Variants in SMG6 observed in about 807,000 individuals in gnomAD.
SMG6 encodes the protein telomerase-binding protein EST1A.
A neutral mutation model predicts 142.2 loss-of-function variants in SMG6; 66 were observed. The ratio of observed to expected loss-of-function variants is 0.46; its 90% confidence interval spans 0.38 to 0.57. The LOEUF is 0.57. Ranked by LOEUF, SMG6 falls within the 20% of genes least tolerant of loss-of-function variation. SMG6 has a pLI of 0.00. For synonymous variants in SMG6, 779 were observed against 702.4 expected, an observed-to-expected ratio of 1.11 and a Z score of -1.72; for missense variants, 1,793 against 1,832.0, an observed-to-expected ratio of 0.98 and a Z score of 0.39.
chr17:2,119,747 C>T (rs1274935998), intron 13 of SMG6, among the ~76,000 whole-genome samples: 9 of 151,964 alleles, frequency 5.9e-5, no homozygotes, highest in Admixed American at 3.9e-4. Context: ...CTGCAAGCTC[C>T]GCCTCCCGGG....
chr17:2,276,041 C>T (rs1479304175), intron 8 of SMG6, among the ~76,000 whole-genome samples: 1 of 152,204 alleles, frequency 6.6e-6, no homozygotes. Context: ...TAAATTTAAG[C>T]AGTCTGTATT....
At chr17:2,066,015 C>CT in intron 16 of SMG6, 1 of 346,356 alleles carries the variant, frequency 2.9e-6, no homozygotes, top group Non-Finnish European at 5.5e-6. Context: ...GAAAGGGTCC[C>CT]TCAGGAGAGT....
At chr17:2,164,573 A>C (rs2151632908) in intron 13 of SMG6, among the ~76,000 whole-genome samples, 1 of 152,210 alleles carries the variant, frequency 6.6e-6, no homozygotes, top group Admixed American at 6.5e-5. Flanking sequence ...GCGCCACTGC[A>C]CTCCAGCCTG....
chr17:2,254,671 C>T (rs139389458), intron 8 of SMG6, among the ~76,000 whole-genome samples: 5 of 152,178 alleles, frequency 3.3e-5, no homozygotes, highest in Admixed American at 1.3e-4. Context: ...GTTGACACAG[C>T]GTAAGAGGGA....
intron 13 of SMG6, among the ~76,000 whole-genome samples, chr17:2,110,446 T>C (rs984505048): frequency 6.6e-6 from 1 of 152,166 alleles, no homozygotes; most frequent in Non-Finnish European, 1.5e-5. Flanking sequence ...TAGATACATT[T>C]ATGTAAGTGG....
At chr17:2,193,259 G>A (rs2072221553) in intron 10 of SMG6, among the ~76,000 whole-genome samples, 1 of 152,118 alleles carries the variant, frequency 6.6e-6, no homozygotes, top group Non-Finnish European at 1.5e-5. Context: ...TCCTGCTTTC[G>A]CCATGTAAAG....
chr17:2,087,348 G>C (rs1005003723), intron 13 of SMG6: 2 of 1,207,274 alleles, frequency 1.7e-6, no homozygotes, highest in African/African-American at 3.2e-5. Context: ...GGCTGCCCAG[G>C]AAAGTGCGGC....
chr17:2,255,213 G>A (rs1057119549), intron 8 of SMG6, among the ~76,000 whole-genome samples: 2 of 151,396 alleles, frequency 1.3e-5, no homozygotes, highest in African/African-American at 4.9e-5. Context: ...GACCATCCTG[G>A]CTAACACGGT....
At chr17:2,157,097 G>C (rs1050094011) in intron 13 of SMG6, among the ~76,000 whole-genome samples, 1 of 152,170 alleles carries the variant, frequency 6.6e-6, no homozygotes, top group East Asian at 1.9e-4. Context: ...CCCAAAGTCC[G>C]TATGTGGGCT....
At chr17:2,252,092 C>G (rs1223406516) in intron 8 of SMG6, among the ~76,000 whole-genome samples, 1 of 149,622 alleles carries the variant, frequency 6.7e-6, no homozygotes, top group Non-Finnish European at 1.5e-5. Flanking sequence ...AAGAGCGAAA[C>G]TCCATCTCAG....
intron 13 of SMG6, among the ~76,000 whole-genome samples, chr17:2,139,057 C>A (rs560962410): frequency 6.6e-6 from 1 of 152,250 alleles, no homozygotes; most frequent in East Asian, 1.9e-4. Flanking sequence ...GCAGAACAAG[C>A]CAGCTCCTCT....
In SMG6 at chr17:2,303,680, T is replaced by C; in HGVS notation, c.41A>G (p.Glu14Gly). 1 of 1,495,738 alleles carries C rather than the reference T, an allele frequency of 6.7e-7. No individual in the cohort carries two copies. Among genetic ancestry groups the C allele is most frequent in the Non-Finnish European group, 8.9e-7 (1 of 1,129,164 alleles). 92.7% of individuals were successfully genotyped at this position (1,495,738 alleles called of 1,614,324 possible). ...GLERVRISAS[E>G]LRGILATLAP... ...CAGAGTAGCCAGGATCCCGCGCAGCTCCGACGCGGAGATCCGCACACGCTC... is the reference window on the plus strand; with the variant it reads ...CAGAGTAGCCAGGATCCCGCGCAGCCCCGACGCGGAGATCCGCACACGCTC... Residue 14 changes from glutamate (E) to glycine (G), a missense_variant, in exon 1 of 19, where the codon GAG (glutamate) becomes GGG (glycine). Coordinates refer to ENST00000263073, the MANE Select transcript of SMG6 (RefSeq NM_017575.5).
intron 13 of SMG6, among the ~76,000 whole-genome samples, chr17:2,154,253 T>C (rs2070932034): frequency 7.3e-6 from 1 of 136,372 alleles, no homozygotes; most frequent in Admixed American, 7.5e-5. Flanking sequence ...GCATCTAGAG[T>C]GTGACGGTGA....
chr17:2,155,793 T>G (rs1393305132), intron 13 of SMG6, among the ~76,000 whole-genome samples: 2 of 152,224 alleles, frequency 1.3e-5, no homozygotes, highest in African/African-American at 4.8e-5. Flanking sequence ...AAAAGGTCTT[T>G]TCATTTAAAT....
At chr17:2,191,911 C>T (rs572729769) in intron 10 of SMG6, among the ~76,000 whole-genome samples, 47 of 152,342 alleles carry the variant, frequency 3.1e-4, no homozygotes, top group African/African-American at 1.1e-3. Flanking sequence ...CTAATTAGTG[C>T]TATACATCTT....
intron 8 of SMG6, among the ~76,000 whole-genome samples, chr17:2,275,698 G>A (rs73293569): frequency 0.028 from 4,334 of 152,278 alleles, 205 homozygotes; most frequent in African/African-American, 0.098. Flanking sequence ...AAAGGGAGAC[G>A]AAGAACAGCA....
chr17:2,282,492 A>G (rs975157149), intron 8 of SMG6, among the ~76,000 whole-genome samples, 155 bp downstream of exon 8: 1 of 152,108 alleles, frequency 6.6e-6, no homozygotes, highest in Non-Finnish European at 1.5e-5. Context: ...AGATAAAGGA[A>G]GCGTACATGA....
intron 8 of SMG6, among the ~76,000 whole-genome samples, chr17:2,258,607 A>C (rs1223888044): frequency 1.7e-5 from 2 of 119,184 alleles, no homozygotes; most frequent in Non-Finnish European, 3.4e-5. Flanking sequence ...ATTCAAGACC[A>C]GCCTGGGCAA....
chr17:2,228,291 C>A (rs2073373668), intron 10 of SMG6, among the ~76,000 whole-genome samples: 1 of 151,940 alleles, frequency 6.6e-6, no homozygotes, highest in Admixed American at 6.6e-5. Context: ...TACAGTGGCA[C>A]AATCTTGGCT....
Sources: gnomAD v4.1 joint callset for allele counts (sites outside exome capture counted in the v4.1 genomes callset) on GRCh38, gnomAD v4.1.1 for gene constraint, MANE v1.5 for transcripts, NCBI Gene and HGNC (gene_info 2026-07-23, HGNC 2026-07-21) for gene names.